INPP5A: variants seen among roughly 807,000 people sequenced by gnomAD.
The protein encoded by INPP5A is inositol polyphosphate-5-phosphatase A.
A neutral mutation model predicts 65.2 loss-of-function variants in INPP5A; 14 were observed. That is an observed-to-expected ratio of 0.21 (90% confidence interval 0.14 to 0.34). The LOEUF (loss-of-function observed/expected upper bound fraction) is 0.34, where lower values mean the gene tolerates loss of function less well. Ranked by LOEUF, INPP5A falls within the 10% of genes least tolerant of loss-of-function variation. The pLI is 1.00. For synonymous variants in INPP5A, 207 were observed against 208.3 expected (o/e 0.99, Z 0.05); for missense variants, 431 against 545.6 (o/e 0.79, Z 2.09).
chr10:132,593,358 C>T (rs2071643657), intron 1 of INPP5A, among the ~76,000 whole-genome samples: 4 of 152,186 alleles, frequency 2.6e-5, no homozygotes, highest in Admixed American at 2.6e-4. Flanking sequence ...AATTTTATGA[C>T]AAATGGTTGT....
At chr10:132,620,734 C>G (rs1484425164) in intron 2 of INPP5A, among the ~76,000 whole-genome samples, 1 of 152,070 alleles carries the variant, frequency 6.6e-6, no homozygotes, top group Non-Finnish European at 1.5e-5. Context: ...TGCCCATTAC[C>G]TTTCCACAAA....
chr10:132,714,306 G>C (rs1322758774), intron 8 of INPP5A, among the ~76,000 whole-genome samples: 1 of 152,178 alleles, frequency 6.6e-6, no homozygotes, highest in Non-Finnish European at 1.5e-5. Context: ...CACAAAGGGC[G>C]GCTCTGTCGG....
At chr10:132,687,158 C>T (rs144958133) in intron 4 of INPP5A, among the ~76,000 whole-genome samples, 2,221 of 152,168 alleles carry the variant, frequency 0.015, 32 homozygotes, top group South Asian at 0.037. Context: ...TTGGCCAGGC[C>T]GGTCTTGAAC....
intron 8 of INPP5A, among the ~76,000 whole-genome samples, chr10:132,718,400 C>G (rs1265166457): frequency 2.1e-5 from 3 of 145,132 alleles, no homozygotes; most frequent in Non-Finnish European, 4.5e-5. Flanking sequence ...GCGCCTTAGA[C>G]GACTGTCTTG....
chr10:132,685,504 G>C (rs979437733), intron 4 of INPP5A, among the ~76,000 whole-genome samples: 1 of 152,268 alleles, frequency 6.6e-6, no homozygotes, highest in Non-Finnish European at 1.5e-5. Context: ...TTTTGTGCAC[G>C]AGGGAGCTGG....
At chr10:132,713,792 C>T (rs939973314) in intron 8 of INPP5A, among the ~76,000 whole-genome samples, 1 of 152,202 alleles carries the variant, frequency 6.6e-6, no homozygotes, top group African/African-American at 2.4e-5. Context: ...GGCACTGACA[C>T]CGAGGCAGGG....
rs184990338 is a variant in INPP5A, at chr10:132,705,809, C to T, written c.475-2504C>T. ...CAGAGAGCCCAGACCTTTTACAATG[C>T]TGGGTGGGGTGGCCATGGAACTGCA... On this transcript the variant is annotated intron_variant, in intron 6 of 15. Transcript: ENST00000368594. This position sits in a 1 kb window ranked among gnomAD's most constrained non-coding sequence, Gnocchi z 4.9. Among the ~76,000 whole-genome samples, 155 of 152,206 alleles carry T rather than the reference C, an allele frequency of 1.0e-3. No individual in the cohort carries two copies. The highest frequency in any genetic ancestry group is 3.4e-3 in the African/African-American group (142 of 41,518).
At chr10:132,710,851 G>A (rs1293569655) in intron 8 of INPP5A, among the ~76,000 whole-genome samples, 2 of 151,552 alleles carry the variant, frequency 1.3e-5, no homozygotes, top group African/African-American at 4.9e-5. Context: ...TGGAGAGGTA[G>A]GTGTGGGCGG....
chr10:132,698,721 G>A lies in INPP5A; in HGVS notation c.474+802G>A, dbSNP rs977269672. ...GAGACGGAAGAGCTGGCAGCTGGACGCAGGTTTGGGGGCGTCCAGGCTGTG... is the reference window on the plus strand; with the variant it reads ...GAGACGGAAGAGCTGGCAGCTGGACACAGGTTTGGGGGCGTCCAGGCTGTG... On this transcript the variant is annotated intron_variant, in intron 6 of 15. Coordinates refer to ENST00000368594, the MANE Select transcript of INPP5A (RefSeq NM_005539.5). This position sits in a 1 kb window ranked among gnomAD's most constrained non-coding sequence, Gnocchi z 5.5. Among the ~76,000 whole-genome samples the A allele has an allele frequency of 1.3e-5, 2 of 152,308 alleles. No individual in the cohort carries two copies. Among genetic ancestry groups the A allele is most frequent in the South Asian group, 2.1e-4 (1 of 4,828 alleles).
intron 12 of INPP5A, among the ~76,000 whole-genome samples, 154 bp from the exon 13 acceptor site, chr10:132,777,517 G>GT (rs1847084217): frequency 6.6e-6 from 1 of 152,236 alleles, no homozygotes. Flanking sequence ...TGTGAATTTG[G>GT]TTTTATATTC....
chr10:132,758,106 C>T (rs1348959278), intron 11 of INPP5A, among the ~76,000 whole-genome samples: 1 of 132,708 alleles, frequency 7.5e-6, no homozygotes, highest in African/African-American at 2.9e-5. Flanking sequence ...GGCACCATGG[C>T]GTGGGTCCCC....
At chr10:132,599,273 G>A (rs1021236662) in intron 1 of INPP5A, among the ~76,000 whole-genome samples, 5 of 152,224 alleles carry the variant, frequency 3.3e-5, no homozygotes, top group African/African-American at 1.2e-4. Flanking sequence ...GGAGGTACAG[G>A]TATTGGGTAA....
intron 4 of INPP5A, among the ~76,000 whole-genome samples, chr10:132,658,569 C>T (rs12252094): frequency 0.018 from 2,787 of 152,282 alleles, 83 homozygotes; most frequent in African/African-American, 0.062. Context: ...TGTTTCCTGG[C>T]TGCAGGCCGG....
chr10:132,742,267 C>T (rs1846288449), intron 9 of INPP5A, among the ~76,000 whole-genome samples: 1 of 152,210 alleles, frequency 6.6e-6, no homozygotes. Flanking sequence ...CTCTGTGTTC[C>T]CCTTGATGCA....
At chr10:132,559,584 G>A (rs746220782) in intron 1 of INPP5A, among the ~76,000 whole-genome samples, 80 of 152,184 alleles carry the variant, frequency 5.3e-4, no homozygotes, top group Admixed American at 2.7e-3. Flanking sequence ...ATCAAACAGC[G>A]TGTGGCCTTC....
rs1301171321 is a variant in INPP5A, at chr10:132,659,635, C to T, written c.306+9130C>T. Among the ~76,000 whole-genome samples, 1 of 152,218 alleles carries T rather than the reference C, an allele frequency of 6.6e-6. No homozygotes were observed. The highest frequency in any genetic ancestry group is 1.5e-5 in the Non-Finnish European group (1 of 68,036). On this transcript the variant is annotated intron_variant, in intron 4 of 15. Coordinates refer to ENST00000368594, the MANE Select transcript of INPP5A (RefSeq NM_005539.5). The surrounding 1 kb of genome is among the most constrained non-coding windows in gnomAD (Gnocchi z 5.5). The stretch of plus-strand genomic sequence containing the variant: ...TGCTGAGCGCCGTGGCTGATGCACA[C>T]CCACCGTCCCCTGCAGAGGAGACCT...
Position 132,697,793 on chromosome 10 carries a change from C to G in INPP5A, c.371-23C>G. The G allele has an allele frequency of 1.3e-6, 2 of 1,522,548 alleles. No individual in the cohort carries two copies. The highest frequency in any genetic ancestry group is 1.8e-6 in the Non-Finnish European group (2 of 1,099,008). 94.3% of individuals were successfully genotyped at this position (1,522,548 alleles called of 1,614,324 possible). On this transcript the variant is annotated intron_variant, in intron 5 of 15. Transcript: ENST00000368594. The surrounding 1 kb of genome is among the most constrained non-coding windows in gnomAD (Gnocchi z 5.6). ...TGGGGCACAGTGATGGGATAGTCACCTCGTCCTTCTGGTCTCTTCCAGCTA... is the reference window on the plus strand; with the variant it reads ...TGGGGCACAGTGATGGGATAGTCACGTCGTCCTTCTGGTCTCTTCCAGCTA...
intron 12 of INPP5A, among the ~76,000 whole-genome samples, chr10:132,775,652 T>C (rs1385119474): frequency 6.6e-6 from 1 of 152,160 alleles, no homozygotes; most frequent in African/African-American, 2.4e-5. Context: ...TGTTGAGTCG[T>C]CTGTGAACAC....
chr10:132,766,120 C>T (rs536407314), intron 12 of INPP5A, among the ~76,000 whole-genome samples: 7 of 151,446 alleles, frequency 4.6e-5, no homozygotes, highest in African/African-American at 1.5e-4. Flanking sequence ...GTGTGTGCAC[C>T]TGTGCATCTG....
Sources: gnomAD v4.1 joint callset for allele counts (sites outside exome capture counted in the v4.1 genomes callset) on GRCh38, gnomAD v4.1.1 for gene constraint, Gnocchi (gnomAD v3.1) non-coding constraint, MANE v1.5 for transcripts, NCBI Gene and HGNC (gene_info 2026-07-23, HGNC 2026-07-21) for gene names.